Variants in RARB observed in about 807,000 individuals in gnomAD.
RARB encodes retinoic acid receptor beta.
RARB carries 17 observed loss-of-function variants against 51.9 expected under a neutral mutation model. That is an observed-to-expected ratio of 0.33 (90% CI 0.22 to 0.49). The LOEUF is 0.49. RARB is among the 20% of genes least tolerant of loss of function. The pLI is 0.99. For missense variants in RARB, 369 were observed against 550.8 expected, an observed-to-expected ratio of 0.67 and a Z score of 3.30; for synonymous variants, 215 against 195.4, an observed-to-expected ratio of 1.10 and a Z score of -0.84.
intron 3 of RARB, among the ~76,000 whole-genome samples, chr3:25,080,087 C>T (rs1304514760): frequency 6.6e-6 from 1 of 152,178 alleles, no homozygotes; most frequent in East Asian, 1.9e-4. Flanking sequence ...TAAGCAGTAA[C>T]TCTGCCATCC....
chr3:25,159,500 C>T (rs960857641), intron 4 of RARB, among the ~76,000 whole-genome samples: 2 of 150,886 alleles, frequency 1.3e-5, no homozygotes, highest in Admixed American at 6.6e-5. Flanking sequence ...TGAGTAATAG[C>T]GTCATCTGAA....
In RARB at chr3:24,930,879, G is replaced by A. The variant is rs144151395; in HGVS notation, c.-380+72127G>A. 4.9e-3 allele frequency among the ~76,000 whole-genome samples: 740 copies of A among 152,126 alleles called. 6 individuals carry two copies. Among genetic ancestry groups the A allele is most frequent in the African/African-American group, 0.016 (673 of 41,538 alleles). On this transcript the variant is annotated intron_variant, in intron 2 of 11. Transcript: ENST00000383772. ...CTTTTAAAAAATAGCCAGGTGTGGT[G>A]GTGCCCATTTGCAGTTCTAGTTACC...
intron 5 of RARB, among the ~76,000 whole-genome samples, chr3:25,223,260 G>C (rs1194569511): frequency 6.6e-6 from 1 of 152,042 alleles, no homozygotes; most frequent in Non-Finnish European, 1.5e-5. Context: ...TATACTTGTA[G>C]TCTTTTGACT....
chr3:25,573,143 C>T (rs562047378), intron 4 of RARB, among the ~76,000 whole-genome samples: 5 of 152,164 alleles, frequency 3.3e-5, no homozygotes, highest in Non-Finnish European at 7.4e-5. Context: ...CTAGATCGAG[C>T]TCTGACTGCC....
At chr3:25,066,479 C>A (rs1199862423) in intron 3 of RARB, among the ~76,000 whole-genome samples, 1 of 152,194 alleles carries the variant, frequency 6.6e-6, no homozygotes, top group African/African-American at 2.4e-5. Flanking sequence ...GGAATAAAGG[C>A]AGTATGGGCA....
intron 3 of RARB, among the ~76,000 whole-genome samples, chr3:25,116,902 C>A (rs771295284): frequency 7.9e-5 from 12 of 152,072 alleles, no homozygotes; most frequent in Non-Finnish European, 1.8e-4. Context: ...TTTTCCTCTT[C>A]CTGATTTTAA....
At chr3:25,541,904 G>A (rs774271647) in intron 3 of RARB, among the ~76,000 whole-genome samples, 6 of 152,144 alleles carry the variant, frequency 3.9e-5, no homozygotes, top group Admixed American at 1.3e-4. Flanking sequence ...TATTCGTTTC[G>A]TGGGAGGTAG....
chr3:25,585,149 A>T lies in RARB; in HGVS notation c.786+4427A>T, dbSNP rs79040348. 4.6e-5 allele frequency among the ~76,000 whole-genome samples: 7 copies of T among 152,256 alleles called. No homozygotes were observed. The East Asian group carries it at 1.4e-3, about 29-fold the overall frequency. ...CAGTTGCCTCGTATTTACAATGAAGATGGCAATAGAAGCTTCCTTTCAGGC... is the reference window on the plus strand; with the variant it reads ...CAGTTGCCTCGTATTTACAATGAAGTTGGCAATAGAAGCTTCCTTTCAGGC... On this transcript the variant is annotated intron_variant, in intron 5 of 7. Transcript: ENST00000330688.
At chr3:25,593,402 A>C (rs770569940) in intron 5 of RARB, 101 bp from the exon 6 acceptor site, 12 of 1,120,900 alleles carry the variant, frequency 1.1e-5, no homozygotes, top group Non-Finnish European at 1.6e-5. Flanking sequence ...GACTGCCCCA[A>C]GAGCTCCTTG....
Position 25,093,622 on chromosome 3 carries a change from G to C in RARB, c.-328+33446G>C, listed in dbSNP as rs573516910. Among the ~76,000 whole-genome samples, 33 of 152,188 alleles carry C rather than the reference G, an allele frequency of 2.2e-4. No individual in the cohort carries two copies. In the East Asian group the frequency reaches 4.4e-3, roughly 20 times the overall value. On this transcript the variant is annotated intron_variant, in intron 3 of 11. Transcript: ENST00000383772. ...CCTGCCATTATTCTGGAGGTCACAG[G>C]TTTGCAACTTCCTCAGTTACTCCTG...
At chr3:25,212,047 A>T (rs1249833287) in intron 5 of RARB, among the ~76,000 whole-genome samples, 1 of 152,148 alleles carries the variant, frequency 6.6e-6, no homozygotes, top group African/African-American at 2.4e-5. Flanking sequence ...ATTTCTGTTT[A>T]GTGGGTTGGA....
At chr3:25,474,864 C>T (rs543259401) in intron 2 of RARB, among the ~76,000 whole-genome samples, 1 of 152,098 alleles carries the variant, frequency 6.6e-6, no homozygotes, top group Non-Finnish European at 1.5e-5. Context: ...AAAGTATGCC[C>T]TACTTAAATG....
At chr3:25,077,093 A>G (rs767396359) in intron 3 of RARB, among the ~76,000 whole-genome samples, 38 of 152,222 alleles carry the variant, frequency 2.5e-4, no homozygotes, top group Non-Finnish European at 5.0e-4. Flanking sequence ...ATAGAAATAC[A>G]TTGGTCCTCC....
chr3:25,055,078 A>G (rs965964066), intron 2 of RARB, among the ~76,000 whole-genome samples: 2 of 152,180 alleles, frequency 1.3e-5, no homozygotes. Context: ...CTTGTATATC[A>G]TTAGCATTTA....
At chr3:25,103,639 T>G (rs1035980513) in intron 3 of RARB, among the ~76,000 whole-genome samples, 2 of 152,194 alleles carry the variant, frequency 1.3e-5, no homozygotes, top group African/African-American at 4.8e-5. Flanking sequence ...ACAATACAGA[T>G]CTTTTCTCAG....
chr3:25,441,333 T>C (rs183439106), intron 1 of RARB: 60 of 374,518 alleles, frequency 1.6e-4, no homozygotes, highest in Admixed American at 1.6e-3. Flanking sequence ...CACCACATAT[T>C]GGAAGGGAAG....
chr3:25,353,197 CTTTCA>C (rs1705629020), intron 5 of RARB, among the ~76,000 whole-genome samples: 2 of 152,244 alleles, frequency 1.3e-5, no homozygotes, highest in South Asian at 4.1e-4. Context: ...CTCATCACCT[CTTTCA>C]ATGGTAAGTG....
chr3:25,514,648 C>A (rs527544829), intron 3 of RARB, among the ~76,000 whole-genome samples: 2 of 152,222 alleles, frequency 1.3e-5, no homozygotes, highest in Admixed American at 1.3e-4. Flanking sequence ...GTTGGTCTGA[C>A]TTCTAAACAA....
chr3:24,988,423 T>G (rs1174678011), intron 2 of RARB, among the ~76,000 whole-genome samples: 1 of 152,192 alleles, frequency 6.6e-6, no homozygotes, highest in African/African-American at 2.4e-5. Flanking sequence ...AACATGTTCT[T>G]TTCTACCAGA....
Sources: allele counts gnomAD v4.1 joint callset (sites outside exome capture counted in the v4.1 genomes callset), GRCh38; gene constraint gnomAD v4.1.1; transcripts MANE v1.5; gene names NCBI Gene and HGNC (gene_info 2026-07-23, HGNC 2026-07-21).